Variants in GULP1 observed in about 807,000 individuals in gnomAD.
GULP1 encodes the protein GULP PTB domain containing engulfment adaptor 1.
In GULP1, 19 loss-of-function variants were observed where a neutral mutation model predicts 40.9. The observed-to-expected ratio is 0.46, with a 90% CI of 0.32 to 0.68. The LOEUF is 0.68. Among genes scored for constraint, GULP1 ranks in the 30% least tolerant of loss-of-function variants. The pLI is 0.03. For missense variants in GULP1, 312 were observed against 362.2 expected (o/e 0.86, Z 1.12); for synonymous variants, 119 against 117.6 (o/e 1.01, Z -0.08).
At chr2:188,361,083 A>G (rs1162679530) in intron 1 of GULP1, among the ~76,000 whole-genome samples, 1 of 152,128 alleles carries the variant, frequency 6.6e-6, no homozygotes, top group Non-Finnish European at 1.5e-5. Context: ...TAGCTTGACC[A>G]TGACGTATTA....
intron 2 of GULP1, among the ~76,000 whole-genome samples, chr2:188,468,894 A>T (rs954312234): frequency 2.6e-5 from 4 of 152,168 alleles, no homozygotes; most frequent in Non-Finnish European, 1.5e-5. Flanking sequence ...CTCAAAGGGT[A>T]AGCAGTGAAG....
At chr2:188,465,971 A>G (rs1006724896) in intron 2 of GULP1, among the ~76,000 whole-genome samples, 8 of 148,874 alleles carry the variant, frequency 5.4e-5, no homozygotes, top group Admixed American at 1.3e-4. Flanking sequence ...GTGTGTGTAT[A>G]TGTGTGTGTG....
intron 1 of GULP1, among the ~76,000 whole-genome samples, chr2:188,343,035 A>G (rs1033108607): frequency 2.0e-5 from 3 of 152,260 alleles, no homozygotes; most frequent in Admixed American, 2.0e-4. Flanking sequence ...AGAAAATGTA[A>G]TAATATTTGG....
rs550088941 is a variant in GULP1, at chr2:188,531,565, A to T, written c.261+2370A>T. 2.5e-3 allele frequency among the ~76,000 whole-genome samples: 387 copies of T among 152,318 alleles called. 4 individuals carry two copies. The highest frequency in any genetic ancestry group is 6.8e-3 in the Middle Eastern group (2 of 294). On this transcript the variant is annotated intron_variant, in intron 6 of 11. Transcript: ENST00000409830. ...TTCAATTACAAACAAAGATGTGAAG[A>T]TTTACTTTAGTTACGGCGATTCTAA...
In GULP1 at chr2:188,522,782, G is replaced by A; in HGVS notation, c.117G>A (p.Gln39=). 3.7e-6 allele frequency: 6 copies of A among 1,612,020 alleles called. No individual in the cohort carries two copies. In the East Asian group the frequency reaches 8.9e-5, roughly 24 times the overall value. The change falls in exon 5 of 12, where the codon CAG becomes CAA. Residue 39 remains glutamine (Q), a synonymous_variant. Transcript: ENST00000409830. ...TTCTTGGCAGTACAGAAGTGGAACA[G>A]CCAAAAGGAACAGAAGTTGTGAGAG... ...AKFLGSTEVE[Q]PKGTEVVRDA...
At chr2:188,432,084 C>G (rs1366967973) in intron 2 of GULP1, among the ~76,000 whole-genome samples, 1 of 149,658 alleles carries the variant, frequency 6.7e-6, no homozygotes, top group Non-Finnish European at 1.5e-5. Flanking sequence ...TTTGTGAAAA[C>G]CTAGGAAGTA....
At chr2:188,416,280 G>A (rs963846927) in intron 2 of GULP1, among the ~76,000 whole-genome samples, 1 of 151,480 alleles carries the variant, frequency 6.6e-6, no homozygotes, top group African/African-American at 2.4e-5. Context: ...GTGGGGTATT[G>A]TAGCCCTTTC....
At chr2:188,413,153 A>G (rs1424582778) in intron 2 of GULP1, among the ~76,000 whole-genome samples, 2 of 152,210 alleles carry the variant, frequency 1.3e-5, no homozygotes, top group Admixed American at 6.5e-5. Context: ...TGAAATTTTC[A>G]GAAATAATAT....
At chr2:188,409,262 G>A (rs1206881729) in intron 2 of GULP1, among the ~76,000 whole-genome samples, 1 of 151,994 alleles carries the variant, frequency 6.6e-6, no homozygotes, top group Admixed American at 6.6e-5. Flanking sequence ...AATCAGAAAT[G>A]AAAGAGGAGA....
At chr2:188,351,253 A>G (rs1203391226) in intron 1 of GULP1, among the ~76,000 whole-genome samples, 1 of 152,154 alleles carries the variant, frequency 6.6e-6, no homozygotes, top group East Asian at 1.9e-4. Flanking sequence ...ATGAGGAGAG[A>G]ACTTTTGAGG....
chr2:188,488,181 C>G (rs1340394995), intron 4 of GULP1, among the ~76,000 whole-genome samples: 1 of 151,942 alleles, frequency 6.6e-6, no homozygotes, highest in East Asian at 1.9e-4. Context: ...ATGCACCCCT[C>G]AAGAGTAAGC....
intron 1 of GULP1, among the ~76,000 whole-genome samples, chr2:188,321,553 A>G (rs2039981211): frequency 6.6e-6 from 1 of 152,174 alleles, no homozygotes; most frequent in East Asian, 1.9e-4. Flanking sequence ...TTTTTCACAT[A>G]TAAGATTTTA....
At chr2:188,351,435 T>C (rs1044952030) in intron 1 of GULP1, among the ~76,000 whole-genome samples, 1 of 152,102 alleles carries the variant, frequency 6.6e-6, no homozygotes, top group East Asian at 1.9e-4. Context: ...CAGGAGTAAC[T>C]ATGAGGGGTA....
intron 7 of GULP1, among the ~76,000 whole-genome samples, chr2:188,566,838 A>C (rs1193893386): frequency 6.6e-6 from 1 of 151,516 alleles, no homozygotes; most frequent in Non-Finnish European, 1.5e-5. Context: ...GATACATCGA[A>C]ATCATAATTT....
intron 7 of GULP1, among the ~76,000 whole-genome samples, chr2:188,556,157 G>A (rs960655168): frequency 1.7e-4 from 26 of 151,952 alleles, no homozygotes; most frequent in Non-Finnish European, 2.5e-4. Flanking sequence ...TTCACCCTTG[G>A]GAACACTGAT....
chr2:188,430,833 C>A (rs939017874), intron 2 of GULP1, among the ~76,000 whole-genome samples: 2 of 152,166 alleles, frequency 1.3e-5, no homozygotes, highest in Admixed American at 1.3e-4. Context: ...CTCTGATCTT[C>A]CTTGTTGGAC....
At chr2:188,556,198 A>G (rs1694717859) in intron 7 of GULP1, among the ~76,000 whole-genome samples, 1 of 152,302 alleles carries the variant, frequency 6.6e-6, no homozygotes, top group East Asian at 1.9e-4. Context: ...TTAAGGTGTC[A>G]TAAATGTCGT....
intron 7 of GULP1, among the ~76,000 whole-genome samples, chr2:188,550,112 C>A (rs1327518935): frequency 6.6e-6 from 1 of 151,640 alleles, no homozygotes; most frequent in Non-Finnish European, 1.5e-5. Context: ...TACACAAGAT[C>A]TCTCTGTATT....
At chr2:188,373,177 G>A (rs72909552) in intron 1 of GULP1, among the ~76,000 whole-genome samples, 1,732 of 151,820 alleles carry the variant, frequency 0.011, 14 homozygotes, top group Non-Finnish European at 0.02. Context: ...CTCTAACAGA[G>A]GAAACATGGA....
Sources: gnomAD v4.1 joint callset for allele counts (sites outside exome capture counted in the v4.1 genomes callset) on GRCh38, gnomAD v4.1.1 for gene constraint, MANE v1.5 for transcripts, NCBI Gene and HGNC (gene_info 2026-07-23, HGNC 2026-07-21) for gene names.